The following GOT2 variants were observed in gnomAD, a reference collection of about 807,000 sequenced individuals.
GOT2 encodes the protein aspartate aminotransferase, mitochondrial.
In GOT2, 17 loss-of-function variants were observed where a neutral mutation model predicts 50.0. The ratio of observed to expected loss-of-function variants is 0.34; its 90% CI spans 0.23 to 0.51. The LOEUF (loss-of-function observed/expected upper bound fraction) is 0.51, where lower values mean the gene tolerates loss of function less well. Among genes scored for constraint, GOT2 ranks in the 20% least tolerant of loss-of-function variants. The pLI is 0.97. For synonymous variants in GOT2, 172 were observed against 204.9 expected, an observed-to-expected ratio of 0.84 and a Z score of 1.37; for missense variants, 430 against 559.6, an observed-to-expected ratio of 0.77 and a Z score of 2.34.
At chr16:58,716,904 G>A (rs1334293790) in intron 6 of GOT2, 91 bp from the exon 7 acceptor site, 2 of 1,218,094 alleles carry the variant, frequency 1.6e-6, no homozygotes, top group Admixed American at 2.0e-5. Flanking sequence ...ATGTGAGGTG[G>A]GCATGGTCCC....
intron 1 of GOT2, chr16:58,733,878 AG>A (rs971961886): frequency 1.2e-4 from 45 of 385,536 alleles, no homozygotes; most frequent in African/African-American, 9.3e-4. Flanking sequence ...TCCTTTCCCT[AG>A]GGATTGCGTT....
intron 4 of GOT2, among the ~76,000 whole-genome samples, 175 bp downstream of exon 4, chr16:58,719,021 T>C (rs1424262012): frequency 3.3e-5 from 5 of 152,248 alleles, no homozygotes; most frequent in Non-Finnish European, 7.3e-5. Flanking sequence ...TCATCACTAA[T>C]ATATCTTTCC....
At chr16:58,708,329 G>A in intron 9 of GOT2, 36 bp from the exon 10 acceptor site, 6 of 1,606,060 alleles carry the variant, frequency 3.7e-6, no homozygotes, top group Non-Finnish European at 5.1e-6. Context: ...CCTCTTCCCG[G>A]TACAGGGGAT....
chr16:58,708,417 G>A, intron 9 of GOT2, 124 bp from the exon 10 acceptor site: 2 of 920,018 alleles, frequency 2.2e-6, no homozygotes, highest in Non-Finnish European at 3.2e-6. Flanking sequence ...CCCAGAATTT[G>A]CTGTTAGCTT....
Position 58,729,370 on chromosome 16 carries a change from A to C in GOT2, c.89+4770T>G, listed in dbSNP as rs189428453. Reference sequence around the variant, plus strand: ...TTCTGGAAAAGTTTTCATTTTTCAAAAGATGGTCTGGCTGGGCATAGTGGC... The same window carrying C: ...TTCTGGAAAAGTTTTCATTTTTCAACAGATGGTCTGGCTGGGCATAGTGGC... On this transcript the variant is annotated intron_variant, in intron 1 of 9. Transcript: ENST00000245206. 6.5e-3 allele frequency among the ~76,000 whole-genome samples: 979 copies of C among 150,042 alleles called. 7 individuals are homozygous for C. The highest frequency in any genetic ancestry group is 8.8e-3 in the Non-Finnish European group (595 of 67,664).
At chr16:58,722,361 A>C (rs35298154) in intron 2 of GOT2, 83 bp from the exon 3 acceptor site, 24,081 of 1,406,472 alleles carry the variant, frequency 0.017, 254 homozygotes, top group Non-Finnish European at 0.02. Context: ...TTATAAGTTA[A>C]GTTTTGGAGG....
intron 2 of GOT2, among the ~76,000 whole-genome samples, chr16:58,722,702 GAGA>G (rs1344300880): frequency 6.6e-6 from 1 of 152,116 alleles, no homozygotes; most frequent in African/African-American, 2.4e-5. Flanking sequence ...GTTACTCTCT[GAGA>G]AGAAGGGTAG....
At chr16:58,734,076 G>A in intron 1 of GOT2, 64 bp downstream of exon 1, 1 of 919,946 alleles carries the variant, frequency 1.1e-6, no homozygotes, top group Non-Finnish European at 1.5e-6. Flanking sequence ...AATGTCCTGG[G>A]GTGCTCGCAG....
rs760202020 is a variant in GOT2, at chr16:58,734,156, CCGCGGCGGCGAGGCCCGGGTGGAA to C, written c.49_72del (p.Phe17_Ala24del). 7.5e-7 allele frequency: 1 copy of C among 1,334,348 alleles called. No individual in the cohort carries two copies. Among genetic ancestry groups the C allele is most frequent in the Non-Finnish European group, 9.6e-7 (1 of 1,037,536 alleles). The allele number at this position is 1,334,348 out of a possible 1,614,324, so 82.7% of individuals were successfully genotyped here. A position where few individuals can be genotyped will look rare whatever the true frequency, so the allele number is the denominator to read the frequency against. On this transcript the variant is annotated inframe_deletion, in exon 1 of 10. Transcript: ENST00000245206. ...TTGGCTTACCTGGCTCTGGCAGAGG[CCGCGGCGGCGAGGCCCGGGTGGAA>C]GGCGGCGGCGATCCCGGGGAGGACG...
At chr16:58,710,298 C>T (rs1380920153) in intron 8 of GOT2, among the ~76,000 whole-genome samples, 1 of 152,016 alleles carries the variant, frequency 6.6e-6, no homozygotes, top group Non-Finnish European at 1.5e-5. Context: ...TGGCTCACTG[C>T]AGCCTCAATC....
chr16:58,715,268 G>A (rs2044682284), intron 8 of GOT2, among the ~76,000 whole-genome samples: 3 of 152,154 alleles, frequency 2.0e-5, no homozygotes, highest in African/African-American at 7.2e-5. Context: ...TTTTAAGGAA[G>A]TTTTCCTATG....
chr16:58,729,723 C>CTT (rs34039790), intron 1 of GOT2, among the ~76,000 whole-genome samples: 7 of 150,438 alleles, frequency 4.7e-5, no homozygotes, highest in East Asian at 2.0e-4. Context: ...TTTAAGAATT[C>CTT]TTTTTTTTTG....
At chr16:58,708,351 T>C in intron 9 of GOT2, 58 bp from the exon 10 acceptor site, 1 of 1,571,338 alleles carries the variant, frequency 6.4e-7, no homozygotes, top group East Asian at 2.3e-5. Flanking sequence ...CTCCCCGGCC[T>C]GACATGGCAC....
At chr16:58,727,922 T>C (rs1309566895) in intron 1 of GOT2, among the ~76,000 whole-genome samples, 2 of 152,160 alleles carry the variant, frequency 1.3e-5, no homozygotes, top group African/African-American at 4.8e-5. Context: ...ACCATGGAAG[T>C]TCTCCGTGTT....
intron 7 of GOT2, 56 bp downstream of exon 7, chr16:58,716,607 T>C: frequency 6.6e-7 from 1 of 1,509,096 alleles, no homozygotes; most frequent in Non-Finnish European, 9.1e-7. Context: ...CTCTATGCCC[T>C]CGTGGCATTC....
At chr16:58,730,725 C>A (rs530377945) in intron 1 of GOT2, among the ~76,000 whole-genome samples, 3 of 152,258 alleles carry the variant, frequency 2.0e-5, no homozygotes, top group Non-Finnish European at 4.4e-5. Flanking sequence ...CTCCTCCATG[C>A]CTTTCATTAT....
chr16:58,726,765 G>C (rs8045857), intron 1 of GOT2, among the ~76,000 whole-genome samples: 14,494 of 151,708 alleles, frequency 0.096, 1,480 homozygotes, highest in East Asian at 0.36. Context: ...TAGGATTACA[G>C]GCGTGAGCCA....
intron 8 of GOT2, among the ~76,000 whole-genome samples, chr16:58,715,628 C>T (rs9927670): frequency 0.056 from 8,514 of 152,294 alleles, 502 homozygotes; most frequent in African/African-American, 0.16. Context: ...TCTCGGCTCA[C>T]TGCAGCCTTC....
chr16:58,724,485 T>C (rs2044767615), intron 1 of GOT2, among the ~76,000 whole-genome samples: 1 of 152,116 alleles, frequency 6.6e-6, no homozygotes, highest in South Asian at 2.1e-4. Flanking sequence ...TTTCCCCTAT[T>C]AACATTTTAC....
Sources: allele counts gnomAD v4.1 joint callset (sites outside exome capture counted in the v4.1 genomes callset), GRCh38; gene constraint gnomAD v4.1.1; transcripts MANE v1.5; gene names NCBI Gene and HGNC (gene_info 2026-07-23, HGNC 2026-07-21).